Variants in ANLN observed in about 807,000 individuals in gnomAD.
ANLN encodes the protein anillin.
In ANLN, 59 loss-of-function variants were observed where a neutral mutation model predicts 135.1. The ratio of observed to expected loss-of-function variants is 0.44; its 90% CI spans 0.35 to 0.54. The LOEUF (loss-of-function observed/expected upper bound fraction) is 0.54. Ranked by LOEUF, ANLN falls within the 20% of genes least tolerant of loss-of-function variation. The pLI is 0.00. For synonymous variants in ANLN, 406 were observed against 456.4 expected (o/e 0.89, Z 1.41); for missense variants, 1,182 against 1,340.0 (o/e 0.88, Z 1.84).
chr7:36,413,156 AGCATATAACAAGCTATTATCTGCCATCT>A (rs1339542700), intron 7 of ANLN, among the ~76,000 whole-genome samples: 1 of 151,966 alleles, frequency 6.6e-6, no homozygotes, highest in African/African-American at 2.4e-5. Context: ...CCTTCCCATC[AGCATATAACAAGCTATTATCTGCCATCT>A]GAAAAAAAAA....
In ANLN at chr7:36,389,962, C is replaced by G. The variant is rs1392715212; in HGVS notation, c.-65C>G. ...TTCCAGGAGACACACTGAGCTGAGA[C>G]TCACTTTTCTCTTCCTGAATTTGAA... On this transcript the variant is annotated 5_prime_UTR_variant, in exon 1 of 24. Transcript: ENST00000265748. 46 of 1,613,920 alleles carry G rather than the reference C, an allele frequency of 2.9e-5. No individual in the cohort carries two copies. Among genetic ancestry groups the G allele is most frequent in the Non-Finnish European group, 3.6e-5 (43 of 1,179,960 alleles).
In ANLN at chr7:36,452,947, C is replaced by A; in HGVS notation, c.*347C>A. The A allele has an allele frequency of 6.0e-6, 1 of 165,364 alleles. No homozygotes were observed. The highest frequency in any genetic ancestry group is 1.6e-4 in the South Asian group (1 of 6,080). 10.2% of individuals were successfully genotyped at this position (165,364 alleles called of 1,614,324 possible). A position where few individuals can be genotyped will look rare whatever the true frequency, so the allele number is the denominator to read the frequency against. On this transcript the variant is annotated 3_prime_UTR_variant, in exon 24 of 24. Coordinates refer to ENST00000265748, the MANE Select transcript of ANLN (RefSeq NM_018685.5). ...GGAGCTGTAGGTCTTGAAGCAGCAA[C>A]GTCTTTCAGGGGTTGGAGACAGAAA...
At chr7:36,436,518 T>G (rs1365485951) in intron 20 of ANLN, among the ~76,000 whole-genome samples, 2 of 152,218 alleles carry the variant, frequency 1.3e-5, no homozygotes, top group Non-Finnish European at 2.9e-5. Context: ...CATGTGATAA[T>G]TATTTTTAGG....
rs562022569 is a variant in ANLN, at chr7:36,411,221, A to G, written c.1395+55A>G. 3 of 1,398,784 alleles carry G rather than the reference A, an allele frequency of 2.1e-6. No individual in the cohort carries two copies. The South Asian group carries it at 4.0e-5, about 18-fold the overall frequency. The allele number at this position is 1,398,784 out of a possible 1,614,324, so 86.6% of individuals were successfully genotyped here. A position where few individuals can be genotyped will look rare whatever the true frequency, so the allele number is the denominator to read the frequency against. On this transcript the variant is annotated intron_variant, in intron 7 of 23. Coordinates refer to ENST00000265748, the MANE Select transcript of ANLN (RefSeq NM_018685.5). ...CTTGGTCCCCAAATAGTTGGGATCTAATTTGTAGTTCTGTATTGGCAAATA... is the reference window on the plus strand; with the variant it reads ...CTTGGTCCCCAAATAGTTGGGATCTGATTTGTAGTTCTGTATTGGCAAATA...
chr7:36,405,074 A>G (rs1029571162), intron 3 of ANLN, among the ~76,000 whole-genome samples: 1 of 152,238 alleles, frequency 6.6e-6, no homozygotes, highest in Admixed American at 6.5e-5. Context: ...TGGACTGCAT[A>G]TACAATGGTA....
intron 23 of ANLN, among the ~76,000 whole-genome samples, chr7:36,451,512 A>G: frequency 6.6e-6 from 1 of 152,164 alleles, no homozygotes; most frequent in East Asian, 1.9e-4. Context: ...CAGTGACTAG[A>G]GATTTTTTTT....
At chr7:36,408,735 T>A (rs186975295) in intron 5 of ANLN, among the ~76,000 whole-genome samples, 23 of 152,286 alleles carry the variant, frequency 1.5e-4, no homozygotes, top group African/African-American at 5.3e-4. Flanking sequence ...CCAGTTATAT[T>A]TATCTGTGTG....
Position 36,389,865 on chromosome 7 carries a change from T to G in ANLN, c.-162T>G. ...AATTTGAACGGCTGCAGAGGCCGAGTCCGTCACTGGAAGCCGAGAGGAGAG... is the reference window on the plus strand; with the variant it reads ...AATTTGAACGGCTGCAGAGGCCGAGGCCGTCACTGGAAGCCGAGAGGAGAG... On this transcript the variant is annotated 5_prime_UTR_variant, in exon 1 of 24. Coordinates refer to ENST00000265748, the MANE Select transcript of ANLN (RefSeq NM_018685.5). The G allele has an allele frequency of 2.3e-6, 3 of 1,294,266 alleles. No homozygotes were observed. The South Asian group carries it at 3.7e-5, about 16-fold the overall frequency. 80.2% of individuals were successfully genotyped at this position (1,294,266 alleles called of 1,614,324 possible).
chr7:36,390,150 G>A lies in ANLN; in HGVS notation c.18+106G>A. 3.2e-6 allele frequency: 5 copies of A among 1,582,590 alleles called. No individual in the cohort carries two copies. The South Asian group carries it at 5.6e-5, about 18-fold the overall frequency. On this transcript the variant is annotated intron_variant, in intron 1 of 23. Transcript: ENST00000265748. ...AACCCCCACCGGGCGGAGGGCGCGTGTGTGCGCGCGTGCGCAGTGTGTGCG... is the reference window on the plus strand; with the variant it reads ...AACCCCCACCGGGCGGAGGGCGCGTATGTGCGCGCGTGCGCAGTGTGTGCG...
At chr7:36,433,063 G>A (rs1463024322) in intron 20 of ANLN, among the ~76,000 whole-genome samples, 1 of 152,138 alleles carries the variant, frequency 6.6e-6, no homozygotes. Flanking sequence ...CCATCCACCT[G>A]CCTTGCCTCC....
At chr7:36,437,109 C>T (rs2116762010) in intron 20 of ANLN, among the ~76,000 whole-genome samples, 1 of 152,238 alleles carries the variant, frequency 6.6e-6, no homozygotes, top group East Asian at 1.9e-4. Flanking sequence ...TTTTGCATGA[C>T]TGAAATTCTG....
At chr7:36,404,125 C>T (rs551380109) in intron 3 of ANLN, among the ~76,000 whole-genome samples, 33 of 152,258 alleles carry the variant, frequency 2.2e-4, no homozygotes, top group Admixed American at 1.2e-3. Flanking sequence ...CGCCCGTCAC[C>T]GTGCCCGGCT....
At chr7:36,450,872 T>G (rs372501166) in intron 23 of ANLN, among the ~76,000 whole-genome samples, 13 of 152,288 alleles carry the variant, frequency 8.5e-5, no homozygotes, top group African/African-American at 3.1e-4. Context: ...TCACTTACAT[T>G]TTTTTGTATA....
At chr7:36,419,179 C>T in intron 9 of ANLN, 65 bp from the exon 10 acceptor site, 14 of 1,170,758 alleles carry the variant, frequency 1.2e-5, no homozygotes, top group South Asian at 4.6e-5. Flanking sequence ...ATTAAATTTT[C>T]TTTGTTATGC....
At chr7:36,420,824 T>C (rs1787846861) in intron 12 of ANLN, 80 bp downstream of exon 12, 1 of 1,480,426 alleles carries the variant, frequency 6.8e-7, no homozygotes, top group Non-Finnish European at 9.3e-7. Context: ...GGGCCCAGCC[T>C]TACTTATCTC....
chr7:36,410,696 C>T lies in ANLN; in HGVS notation c.1279C>T (p.Leu427Phe). 6.2e-7 allele frequency: 1 copy of T among 1,613,458 alleles called. No homozygotes were observed. The highest frequency in any genetic ancestry group is 8.5e-7 in the Non-Finnish European group (1 of 1,179,616). Residue 427 changes from leucine (L) to phenylalanine (F), a missense_variant, in exon 6 of 24, where the codon CTC (leucine) becomes TTC (phenylalanine). Transcript: ENST00000265748. ...SSSTTHLAQQLKQERQKELAC... is the reference protein window; with the variant it reads ...SSSTTHLAQQFKQERQKELAC... The stretch of plus-strand genomic sequence containing the variant: ...ATCTACTACCCATTTAGCACAACAG[C>T]TCAAGCAGGTATGGTGTACTGCATT...
chr7:36,403,866 G>A (rs1004946707), intron 3 of ANLN, among the ~76,000 whole-genome samples: 10 of 152,166 alleles, frequency 6.6e-5, no homozygotes, highest in Non-Finnish European at 1.3e-4. Flanking sequence ...TTGCCGTGTT[G>A]CCCAGGTTGG....
intron 2 of ANLN, among the ~76,000 whole-genome samples, chr7:36,398,122 A>G (rs2116518817): frequency 6.6e-6 from 1 of 152,184 alleles, no homozygotes; most frequent in East Asian, 1.9e-4. Flanking sequence ...TTTCCAGGAG[A>G]TATATTGAAA....
chr7:36,445,365 A>G (rs1788955508), intron 22 of ANLN, among the ~76,000 whole-genome samples: 1 of 151,896 alleles, frequency 6.6e-6, no homozygotes. Flanking sequence ...TTTAACCTGT[A>G]CATGTATATA....
Sources: gnomAD v4.1 joint callset for allele counts (sites outside exome capture counted in the v4.1 genomes callset) on GRCh38, gnomAD v4.1.1 for gene constraint, MANE v1.5 for transcripts, NCBI Gene and HGNC (gene_info 2026-07-23, HGNC 2026-07-21) for gene names.